The following RSRC1 variants were observed in gnomAD, a reference collection of about 807,000 sequenced individuals.
The protein encoded by RSRC1 is serine/Arginine-related protein 53.
RSRC1 carries 39 observed loss-of-function variants against 49.1 expected under a neutral mutation model. That is an observed-to-expected ratio of 0.79 (90% confidence interval 0.61 to 1.04). RSRC1 has a LOEUF of 1.04. Ranked by LOEUF, RSRC1 falls within the 50% of genes least tolerant of loss-of-function variation. RSRC1 has a pLI of 0.00. For synonymous variants in RSRC1, 143 were observed against 130.8 expected (o/e 1.09, Z -0.63); for missense variants, 388 against 402.4 (o/e 0.96, Z 0.31).
chr3:158,424,765 T>C (rs1013356466), intron 6 of RSRC1, among the ~76,000 whole-genome samples: 4 of 152,184 alleles, frequency 2.6e-5, no homozygotes, highest in South Asian at 2.1e-4. Flanking sequence ...GCTCCTGTTA[T>C]TGGTCTATTC....
intron 3 of RSRC1, among the ~76,000 whole-genome samples, chr3:158,192,323 A>G (rs16828740): frequency 0.077 from 11,657 of 152,144 alleles, 542 homozygotes; most frequent in South Asian, 0.13. Flanking sequence ...AGCAACATTT[A>G]TAGAATATAC....
chr3:158,279,216 G>A (rs1488083235), intron 4 of RSRC1, among the ~76,000 whole-genome samples: 1 of 152,188 alleles, frequency 6.6e-6, no homozygotes, highest in Non-Finnish European at 1.5e-5. Flanking sequence ...GAGCAGCAAT[G>A]CAACCTAATG....
At chr3:158,285,086 G>T (rs1726435262) in intron 4 of RSRC1, among the ~76,000 whole-genome samples, 1 of 152,112 alleles carries the variant, frequency 6.6e-6, no homozygotes. Flanking sequence ...TGTAAGGAAG[G>T]GATCCAGTTT....
chr3:158,531,178 A>G (rs1018995577), intron 7 of RSRC1, among the ~76,000 whole-genome samples: 7 of 151,480 alleles, frequency 4.6e-5, no homozygotes, highest in Non-Finnish European at 1.0e-4. Flanking sequence ...CTTTCACTCA[A>G]GAAGAGATTT....
At chr3:158,285,392 C>T (rs1726462661) in intron 4 of RSRC1, among the ~76,000 whole-genome samples, 1 of 152,118 alleles carries the variant, frequency 6.6e-6, no homozygotes. Context: ...TTTTTGGTTC[C>T]ATATGAACTT....
rs538070142 is a variant in RSRC1 at position 158,155,929 on chromosome 3, A to G, written c.320+31938A>G. On this transcript the variant is annotated intron_variant, in intron 3 of 9. Transcript: ENST00000611884. ...AGGATTTTCAAAATGGGAAATGAGC[A>G]TTGGCTTCCTTTTAAAGTCGCCAGG... Among the ~76,000 whole-genome samples the G allele has an allele frequency of 5.4e-4, 82 of 152,298 alleles. 1 individual carries two copies. The highest frequency in any genetic ancestry group is 1.4e-3 in the Admixed American group (22 of 15,290).
intron 6 of RSRC1, among the ~76,000 whole-genome samples, chr3:158,392,107 A>T (rs143209816): frequency 1.3e-5 from 2 of 152,186 alleles, no homozygotes; most frequent in Non-Finnish European, 2.9e-5. Flanking sequence ...GTGGGGAATG[A>T]CTGAGCTCAT....
At chr3:158,263,523 G>A (rs892354759) in intron 4 of RSRC1, among the ~76,000 whole-genome samples, 7 of 152,094 alleles carry the variant, frequency 4.6e-5, no homozygotes, top group Non-Finnish European at 8.8e-5. Context: ...TGGTGACAGG[G>A]TAATGCTGGC....
intron 5 of RSRC1, 126 bp downstream of exon 5, chr3:158,298,201 A>G: frequency 1.4e-6 from 1 of 714,962 alleles, no homozygotes; most frequent in Admixed American, 2.4e-5. Context: ...GGGTCAGCTT[A>G]CTGTTATTAT....
intron 6 of RSRC1, among the ~76,000 whole-genome samples, chr3:158,439,871 A>G (rs1184824088): frequency 6.6e-6 from 1 of 152,126 alleles, no homozygotes; most frequent in African/African-American, 2.4e-5. Flanking sequence ...GCCAAAGTGC[A>G]TGTACGACAA....
In RSRC1 at chr3:158,324,705, G is replaced by T. The variant is rs1728974477; in HGVS notation, c.531+26630G>T. On this transcript the variant is annotated intron_variant, in intron 5 of 9. Coordinates refer to ENST00000611884, the MANE Select transcript of RSRC1 (RefSeq NM_001271838.2). ...CCGCAATAAACATACGTGTGCATGTGTCTTTATAGCAGCATGATTTATAAT... is the reference window on the plus strand; with the variant it reads ...CCGCAATAAACATACGTGTGCATGTTTCTTTATAGCAGCATGATTTATAAT... 1.3e-5 allele frequency among the ~76,000 whole-genome samples: 2 copies of T among 152,162 alleles called. 1 individual carries two copies. Among genetic ancestry groups the T allele is most frequent in the South Asian group, 4.1e-4 (2 of 4,828 alleles).
intron 6 of RSRC1, among the ~76,000 whole-genome samples, chr3:158,433,253 A>T (rs541922420): frequency 6.6e-6 from 1 of 152,092 alleles, no homozygotes; most frequent in South Asian, 2.1e-4. Flanking sequence ...ATTATTAGTC[A>T]TCAGTATTTA....
intron 4 of RSRC1, among the ~76,000 whole-genome samples, chr3:158,245,439 T>C (rs1171835034): frequency 1.3e-5 from 2 of 152,216 alleles, no homozygotes; most frequent in Non-Finnish European, 2.9e-5. Context: ...TACTTCCGAA[T>C]ATGTGGTTAA....
intron 5 of RSRC1, among the ~76,000 whole-genome samples, chr3:158,329,841 A>G (rs1729434356): frequency 1.3e-5 from 2 of 152,216 alleles, no homozygotes. Context: ...GGTGGAGTCT[A>G]CAGAGGCAGG....
chr3:158,162,285 C>T (rs1464887470), intron 3 of RSRC1, among the ~76,000 whole-genome samples: 1 of 152,250 alleles, frequency 6.6e-6, no homozygotes, highest in Non-Finnish European at 1.5e-5. Flanking sequence ...TCAACTGACG[C>T]TGTACTGAGC....
At chr3:158,166,191 A>C (rs1322738988) in intron 3 of RSRC1, among the ~76,000 whole-genome samples, 2 of 152,218 alleles carry the variant, frequency 1.3e-5, no homozygotes, top group Non-Finnish European at 2.9e-5. Context: ...TTTCTTAAAT[A>C]AGTATATTAG....
intron 6 of RSRC1, among the ~76,000 whole-genome samples, chr3:158,427,177 T>C (rs1735491971): frequency 6.6e-6 from 1 of 150,668 alleles, no homozygotes; most frequent in African/African-American, 2.4e-5. Flanking sequence ...AAATAATAAA[T>C]GATAGCCAAC....
chr3:158,151,965 G>A (rs571139433), intron 3 of RSRC1, among the ~76,000 whole-genome samples: 14 of 152,240 alleles, frequency 9.2e-5, no homozygotes, highest in African/African-American at 2.9e-4. Flanking sequence ...TTTTAAGTGT[G>A]ATAGATAAGT....
intron 3 of RSRC1, among the ~76,000 whole-genome samples, chr3:158,175,006 A>G (rs1719117791): frequency 6.6e-6 from 1 of 152,064 alleles, no homozygotes; most frequent in Non-Finnish European, 1.5e-5. Flanking sequence ...ATTAGGCTTT[A>G]GCTATTCTGG....
Sources: gnomAD v4.1 joint callset for allele counts (sites outside exome capture counted in the v4.1 genomes callset) on GRCh38, gnomAD v4.1.1 for gene constraint, MANE v1.5 for transcripts, NCBI Gene and HGNC (gene_info 2026-07-23, HGNC 2026-07-21) for gene names.